The following SNX7 variants were observed in gnomAD, a reference collection of about 807,000 sequenced individuals.
SNX7 encodes sorting nexin-7.
A neutral mutation model predicts 48.4 loss-of-function variants in SNX7; 35 were observed. That is an observed-to-expected ratio of 0.72 (90% CI 0.55 to 0.96). The LOEUF (loss-of-function observed/expected upper bound fraction) is 0.96. SNX7 is among the 40% of genes least tolerant of loss of function. The pLI is 0.00. For synonymous variants in SNX7, 190 were observed against 190.2 expected, an observed-to-expected ratio of 1.00 and a Z score of 0.01; for missense variants, 553 against 548.9, an observed-to-expected ratio of 1.01 and a Z score of -0.07.
intron 5 of SNX7, among the ~76,000 whole-genome samples, chr1:98,698,027 C>T (rs929542997): frequency 5.9e-5 from 9 of 152,196 alleles, no homozygotes; most frequent in Non-Finnish European, 1.2e-4. Flanking sequence ...GAGAAGCAGA[C>T]GGTGAGGACT....
rs551081143 is a variant in SNX7, at chr1:98,699,379, G to A, written c.1038+474G>A. ...TAAAAGAAATCTTTCAAGTTAAAAT[G>A]TTTTTCTTTCACTACTTGAAAAGGC... is the stretch of plus-strand genomic sequence containing the variant. On this transcript the variant is annotated intron_variant, in intron 6 of 8. Transcript: ENST00000306121. Among the ~76,000 whole-genome samples the A allele has an allele frequency of 6.6e-4, 101 of 152,136 alleles. 1 individual carries two copies. Among genetic ancestry groups the A allele is most frequent in the Middle Eastern group, 3.4e-3 (1 of 294 alleles).
intron 6 of SNX7, among the ~76,000 whole-genome samples, chr1:98,701,409 A>G (rs1651739144): frequency 6.6e-6 from 1 of 152,162 alleles, no homozygotes; most frequent in African/African-American, 2.4e-5. Context: ...CACAGAGTGT[A>G]GATATGGTCC....
At chr1:98,744,249 C>T (rs1654212830) in intron 8 of SNX7, among the ~76,000 whole-genome samples, 1 of 151,938 alleles carries the variant, frequency 6.6e-6, no homozygotes, top group South Asian at 2.1e-4. Context: ...TATACTTTCT[C>T]AAAATCATAC....
intron 7 of SNX7, among the ~76,000 whole-genome samples, chr1:98,734,632 C>T (rs1456669036): frequency 6.6e-6 from 1 of 152,102 alleles, no homozygotes; most frequent in Admixed American, 6.6e-5. Flanking sequence ...AAAAAATAGT[C>T]ATGATTACTG....
At chr1:98,730,600 T>G (rs187231469) in intron 7 of SNX7, among the ~76,000 whole-genome samples, 1 of 152,000 alleles carries the variant, frequency 6.6e-6, no homozygotes, top group African/African-American at 2.4e-5. Flanking sequence ...GCATTCCTAT[T>G]CACCGACAGT....
At chr1:98,749,344 G>A (rs983066679) in intron 8 of SNX7, among the ~76,000 whole-genome samples, 11 of 152,156 alleles carry the variant, frequency 7.2e-5, no homozygotes, top group South Asian at 2.1e-4. Context: ...ACAAGATGGC[G>A]TTTGTAGCTA....
chr1:98,714,913 A>G (rs757008677), intron 7 of SNX7, among the ~76,000 whole-genome samples: 1 of 152,232 alleles, frequency 6.6e-6, no homozygotes, highest in East Asian at 1.9e-4. Flanking sequence ...TTTTAAATTT[A>G]TTTCCAAGTG....
intron 7 of SNX7, among the ~76,000 whole-genome samples, chr1:98,734,245 C>T (rs941283305): frequency 1.3e-5 from 2 of 152,114 alleles, no homozygotes; most frequent in African/African-American, 2.4e-5. Context: ...ACCACTTCTA[C>T]GTTTTTCCTT....
At chr1:98,705,049 G>T (rs1466296070) in intron 7 of SNX7, among the ~76,000 whole-genome samples, 1 of 152,032 alleles carries the variant, frequency 6.6e-6, no homozygotes, top group Non-Finnish European at 1.5e-5. Context: ...AACAATAATG[G>T]CATTACAGTT....
intron 4 of SNX7, 129 bp from the exon 5 acceptor site, chr1:98,695,389 A>G (rs1195552931): frequency 8.7e-6 from 7 of 806,754 alleles, no homozygotes; most frequent in African/African-American, 6.9e-5. Context: ...TCAAGCTAAC[A>G]TTAAAAAAGA....
intron 3 of SNX7, 62 bp downstream of exon 3, chr1:98,691,247 A>T: frequency 2.0e-6 from 2 of 989,246 alleles, no homozygotes; most frequent in Non-Finnish European, 3.0e-6. Flanking sequence ...AGTCTTTTTG[A>T]ATGCCTAAAA....
intron 7 of SNX7, among the ~76,000 whole-genome samples, chr1:98,723,563 T>C (rs1463966617): frequency 6.6e-6 from 1 of 152,112 alleles, no homozygotes; most frequent in Non-Finnish European, 1.5e-5. Flanking sequence ...ATAGATGGGT[T>C]TTCTACATAG....
At chr1:98,667,323 A>G (rs529698985) in intron 1 of SNX7, among the ~76,000 whole-genome samples, 1 of 152,314 alleles carries the variant, frequency 6.6e-6, no homozygotes, top group East Asian at 1.9e-4. Flanking sequence ...TCCATTAGTC[A>G]TTGTAAGTAA....
chr1:98,691,914 T>TATAG (rs143738586), intron 4 of SNX7, among the ~76,000 whole-genome samples: 1 of 133,496 alleles, frequency 7.5e-6, no homozygotes, highest in Non-Finnish European at 1.6e-5. Context: ...TCCATATATA[T>TATAG]ACACACACAC....
chr1:98,667,868 C>T (rs546876127), intron 1 of SNX7, among the ~76,000 whole-genome samples: 1 of 151,612 alleles, frequency 6.6e-6, no homozygotes, highest in Non-Finnish European at 1.5e-5. Flanking sequence ...AGGCCTACAT[C>T]CTGATCTTGT....
rs1201807514 is a variant in SNX7, at chr1:98,760,417, AT to A, written c.*294del. ...TTTGTGTGCCAATAATTGCATATAGATTTTTTTTCTTAAATATTTGACTGTG... is the reference window on the plus strand; with the variant it reads ...TTTGTGTGCCAATAATTGCATATAGATTTTTTTCTTAAATATTTGACTGTG... On this transcript the variant is annotated 3_prime_UTR_variant, in exon 9 of 9. Transcript: ENST00000306121. 1.9e-4 allele frequency: 47 copies of A among 249,440 alleles called. No homozygotes were observed. The highest frequency in any genetic ancestry group is 3.1e-4 in the Non-Finnish European group (40 of 130,820). 15.5% of individuals were successfully genotyped at this position (249,440 alleles called of 1,614,324 possible). A position where few individuals can be genotyped will look rare whatever the true frequency, so the allele number is the denominator to read the frequency against.
chr1:98,720,394 T>TA (rs1652801590), intron 7 of SNX7, among the ~76,000 whole-genome samples: 2 of 152,088 alleles, frequency 1.3e-5, no homozygotes, highest in Non-Finnish European at 2.9e-5. Flanking sequence ...TCTTATAAAA[T>TA]ATTACCTCAT....
At chr1:98,718,150 A>G (rs757548751) in intron 7 of SNX7, among the ~76,000 whole-genome samples, 2 of 152,098 alleles carry the variant, frequency 1.3e-5, no homozygotes, top group Non-Finnish European at 2.9e-5. Flanking sequence ...CTTCCTGAAG[A>G]AGGTCCCTCA....
chr1:98,702,433 A>G (rs1326410514), intron 7 of SNX7, among the ~76,000 whole-genome samples: 4 of 152,160 alleles, frequency 2.6e-5, no homozygotes, highest in African/African-American at 7.2e-5. Context: ...ATATACTCAT[A>G]ACTGGGCTTC....
Sources: gnomAD v4.1 joint callset for allele counts (sites outside exome capture counted in the v4.1 genomes callset) on GRCh38, gnomAD v4.1.1 for gene constraint, MANE v1.5 for transcripts, NCBI Gene and HGNC (gene_info 2026-07-23, HGNC 2026-07-21) for gene names.